The following ABCB1 variants were observed in gnomAD, a reference collection of about 807,000 sequenced individuals.
ABCB1 encodes the protein ATP-dependent translocase ABCB1.
In ABCB1, 69 loss-of-function variants were observed where a neutral mutation model predicts 142.0. The observed-to-expected ratio is 0.49, with a 90% CI of 0.40 to 0.59. The LOEUF (loss-of-function observed/expected upper bound fraction) is 0.59. ABCB1 is among the 20% of genes least tolerant of loss of function. The pLI is 0.00. For synonymous variants in ABCB1, 532 were observed against 539.2 expected, an observed-to-expected ratio of 0.99 and a Z score of 0.18; for missense variants, 1,326 against 1,554.7, an observed-to-expected ratio of 0.85 and a Z score of 2.47.
chr7:87,712,540 T>TAAA (rs909910776), intron 1 of ABCB1, among the ~76,000 whole-genome samples: 173 of 152,172 alleles, frequency 1.1e-3, no homozygotes, highest in African/African-American at 4.0e-3. Context: ...AAATAGAAAT[T>TAAA]AAATAATTAA....
At chr7:87,685,193 A>G (rs937145833) in intron 1 of ABCB1, among the ~76,000 whole-genome samples, 1 of 152,216 alleles carries the variant, frequency 6.6e-6, no homozygotes, top group African/African-American at 2.4e-5. Flanking sequence ...CATGTTTGAC[A>G]AAGGGATTGT....
At chr7:87,662,663 G>A (rs1824832134) in intron 1 of ABCB1, among the ~76,000 whole-genome samples, 1 of 152,082 alleles carries the variant, frequency 6.6e-6, no homozygotes, top group Admixed American at 6.6e-5. Flanking sequence ...TAGCCCTGTA[G>A]TATACTTTGA....
At chr7:87,687,464 C>G (rs768836819) in intron 1 of ABCB1, among the ~76,000 whole-genome samples, 1 of 152,192 alleles carries the variant, frequency 6.6e-6, no homozygotes, top group Non-Finnish European at 1.5e-5. Context: ...GTCTTAACTT[C>G]TAGCATATTA....
At chr7:87,520,033 G>T (rs1287236639) in intron 22 of ABCB1, among the ~76,000 whole-genome samples, 2 of 152,146 alleles carry the variant, frequency 1.3e-5, no homozygotes, top group South Asian at 2.1e-4. Context: ...TTAAAAAGGG[G>T]TTGACATTCT....
intron 20 of ABCB1, among the ~76,000 whole-genome samples, chr7:87,532,322 A>G (rs1816091445): frequency 6.6e-6 from 1 of 152,084 alleles, no homozygotes; most frequent in Non-Finnish European, 1.5e-5. Context: ...GCTGAGATCT[A>G]CTGGGCTACA....
At chr7:87,541,600 A>G in intron 17 of ABCB1, 136 bp from the exon 18 acceptor site, 3 of 710,540 alleles carry the variant, frequency 4.2e-6, no homozygotes, top group East Asian at 2.5e-5. Context: ...TGGCTTTCCT[A>G]TTGCCAGCCT....
chr7:87,623,389 C>G (rs979651879), intron 1 of ABCB1, among the ~76,000 whole-genome samples: 1 of 152,228 alleles, frequency 6.6e-6, no homozygotes, highest in Non-Finnish European at 1.5e-5. Flanking sequence ...TTTCAATCAG[C>G]CTTTACCCAA....
At chr7:87,529,248 C>G (rs1206796043) in intron 21 of ABCB1, among the ~76,000 whole-genome samples, 1 of 152,132 alleles carries the variant, frequency 6.6e-6, no homozygotes, top group African/African-American at 2.4e-5. Context: ...ATCTATCCAA[C>G]AGGGATAATT....
At chr7:87,523,428 G>A (rs1445914414) in intron 21 of ABCB1, among the ~76,000 whole-genome samples, 1 of 152,032 alleles carries the variant, frequency 6.6e-6, no homozygotes, top group Admixed American at 6.6e-5. Context: ...AGGAGTTTGA[G>A]ACCAGCCACC....
chr7:87,694,698 G>A (rs537274229), intron 1 of ABCB1, among the ~76,000 whole-genome samples: 6 of 151,586 alleles, frequency 4.0e-5, no homozygotes, highest in African/African-American at 9.7e-5. Flanking sequence ...GACTTCAGCC[G>A]TCATGTACGA....
At chr7:87,682,128 C>T (rs1253403857) in intron 1 of ABCB1, among the ~76,000 whole-genome samples, 1 of 152,212 alleles carries the variant, frequency 6.6e-6, no homozygotes, top group Non-Finnish European at 1.5e-5. Flanking sequence ...AGAAGGAACT[C>T]CTCATCTGTT....
At chr7:87,630,180 C>A (rs1821070432) in intron 1 of ABCB1, among the ~76,000 whole-genome samples, 1 of 152,152 alleles carries the variant, frequency 6.6e-6, no homozygotes, top group Admixed American at 6.6e-5. Flanking sequence ...TTTGCAATTT[C>A]TCTGTATTTT....
At chr7:87,524,856 T>C (rs1281033983) in intron 21 of ABCB1, among the ~76,000 whole-genome samples, 3 of 152,156 alleles carry the variant, frequency 2.0e-5, no homozygotes, top group Admixed American at 6.6e-5. Flanking sequence ...CAACAGACTA[T>C]AACAATGTCT....
intron 1 of ABCB1, chr7:87,628,568 AGGT>A (rs1820836061): frequency 3.2e-6 from 1 of 311,286 alleles, no homozygotes. Context: ...CCGAGGGCGG[AGGT>A]GGTGCGTGCG....
At chr7:87,623,133 A>G (rs1820285594) in intron 1 of ABCB1, among the ~76,000 whole-genome samples, 1 of 152,164 alleles carries the variant, frequency 6.6e-6, no homozygotes. Context: ...GACTTTCTAT[A>G]TGTTACTTAA....
At chr7:87,541,272 C>T (rs1816520948) in intron 18 of ABCB1, 85 bp downstream of exon 18, 3 of 925,902 alleles carry the variant, frequency 3.2e-6, no homozygotes. Flanking sequence ...TACTAAAAGG[C>T]CAATTACACT....
chr7:87,652,489 T>C (rs1307022696), intron 1 of ABCB1, among the ~76,000 whole-genome samples: 1 of 151,906 alleles, frequency 6.6e-6, no homozygotes, highest in Non-Finnish European at 1.5e-5. Flanking sequence ...AATCCCCAGT[T>C]GATTTATGGA....
At chr7:87,516,141 G>A (rs1267426871) in intron 24 of ABCB1, among the ~76,000 whole-genome samples, 1 of 152,076 alleles carries the variant, frequency 6.6e-6, no homozygotes, top group Non-Finnish European at 1.5e-5. Context: ...AGTTACTTGG[G>A]AGGCTGAGGC....
Position 87,600,187 on chromosome 7 carries a change from C to G in ABCB1, c.-3G>C, listed in dbSNP as rs1463378119. The G allele has an allele frequency of 1.9e-6, 3 of 1,613,738 alleles. No individual in the cohort carries two copies. The African/African-American group carries it at 4.0e-5, about 22-fold the overall frequency. On this transcript the variant is annotated 5_prime_UTR_variant, in exon 2 of 28. Coordinates refer to ENST00000622132, the MANE Select transcript of ABCB1 (RefSeq NM_001348946.2). ...TTGCGGTCCCCTTCAAGATCCATTCCGACCTGAAGAGAAACCGCAGCTCAT... is the reference window on the plus strand; with the variant it reads ...TTGCGGTCCCCTTCAAGATCCATTCGGACCTGAAGAGAAACCGCAGCTCAT...
Sources: gnomAD v4.1 joint callset for allele counts (sites outside exome capture counted in the v4.1 genomes callset) on GRCh38, gnomAD v4.1.1 for gene constraint, MANE v1.5 for transcripts, NCBI Gene and HGNC (gene_info 2026-07-23, HGNC 2026-07-21) for gene names.